Variants in UST observed in about 807,000 individuals in gnomAD.
UST encodes the protein uronyl 2-sulfotransferase, also known as chondroitin sulfate 2-O-sulfotransferase.
Under a neutral mutation model 45.6 loss-of-function variants are expected in UST, and 21 were observed. The ratio of observed to expected loss-of-function variants is 0.46; its 90% CI spans 0.33 to 0.66. The LOEUF is 0.66. UST is among the 30% of genes least tolerant of loss of function. The pLI is 0.02. For synonymous variants in UST, 215 were observed against 200.6 expected (o/e 1.07, Z -0.61); for missense variants, 463 against 512.4 (o/e 0.90, Z 0.93).
intron 2 of UST, among the ~76,000 whole-genome samples, chr6:148,910,147 T>A (rs1027075253): frequency 1.4e-5 from 2 of 148,044 alleles, no homozygotes; most frequent in Non-Finnish European, 3.0e-5. Flanking sequence ...TTTTTTTTTT[T>A]TTTTTTTTTT....
chr6:148,824,078 A>G (rs1310634434), intron 1 of UST, among the ~76,000 whole-genome samples: 1 of 152,242 alleles, frequency 6.6e-6, no homozygotes, highest in African/African-American at 2.4e-5. Flanking sequence ...TTGAAGATAT[A>G]GTTAATGTTC....
rs1778744273 is a variant in UST at position 148,878,285 on chromosome 6, ATCATGTATGAGTGGGGGGGG to A, written c.248-8687_248-8668del. 9.3e-5 allele frequency among the ~76,000 whole-genome samples: 3 copies of A among 32,096 alleles called. 1 individual carries two copies. The highest frequency in any genetic ancestry group is 4.0e-4 in the African/African-American group (3 of 7,438). 21.1% of individuals were successfully genotyped at this position (32,096 alleles called of 152,430 possible). A position where few individuals can be genotyped will look rare whatever the true frequency, so the allele number is the denominator to read the frequency against. ...CGGAGATCGTGTATGAGTACGGGGG[ATCATGTATGAGTGGGGGGGG>A]TCATGTATGAGTGCGGGGATCGTGT... On this transcript the variant is annotated intron_variant, in intron 1 of 7. Transcript: ENST00000367463.
chr6:148,863,985 C>T (rs1391816216), intron 1 of UST, among the ~76,000 whole-genome samples: 1 of 152,214 alleles, frequency 6.6e-6, no homozygotes, highest in Non-Finnish European at 1.5e-5. Flanking sequence ...TGTCTGTTCT[C>T]AGATCTCAAA....
chr6:149,026,382 T>G (rs1260761834), intron 7 of UST, among the ~76,000 whole-genome samples: 1 of 152,146 alleles, frequency 6.6e-6, no homozygotes, highest in Non-Finnish European at 1.5e-5. Flanking sequence ...GAATGATCCA[T>G]AGTCATCCAC....
At chr6:148,807,893 A>T (rs768054959) in intron 1 of UST, among the ~76,000 whole-genome samples, 1 of 152,194 alleles carries the variant, frequency 6.6e-6, no homozygotes, top group African/African-American at 2.4e-5. Flanking sequence ...AAGCCCCCTG[A>T]ACTCACTTTC....
chr6:148,814,850 C>T (rs1410462289), intron 1 of UST, among the ~76,000 whole-genome samples: 3 of 152,120 alleles, frequency 2.0e-5, no homozygotes, highest in African/African-American at 7.2e-5. Context: ...TCAGGGTCAG[C>T]CCCTGTTGTT....
Position 149,057,331 on chromosome 6 carries a change from G to A in UST, c.938-16502G>A, listed in dbSNP as rs930285146. 8.6e-5 allele frequency among the ~76,000 whole-genome samples: 13 copies of A among 151,174 alleles called. 1 individual carries two copies. The highest frequency in any genetic ancestry group is 3.2e-3 in the Middle Eastern group (1 of 316). ...CTCCTTTACATTCTCAGAGTCAGGA[G>A]ATGCAGGATTTTCAAAAGGCCCTGT... On this transcript the variant is annotated intron_variant, in intron 7 of 7. Coordinates refer to ENST00000367463, the MANE Select transcript of UST (RefSeq NM_005715.3).
intron 2 of UST, among the ~76,000 whole-genome samples, chr6:148,932,591 A>C (rs1355093417): frequency 6.6e-6 from 1 of 152,200 alleles, no homozygotes; most frequent in Non-Finnish European, 1.5e-5. Context: ...GATAGCATTC[A>C]CCAGTGTCAC....
rs890114298 is a variant in UST at position 148,817,976 on chromosome 6, A to T, written c.248-69010A>T. Among the ~76,000 whole-genome samples, 4 of 152,174 alleles carry T rather than the reference A, an allele frequency of 2.6e-5. No homozygotes were observed. In the East Asian group the frequency reaches 7.7e-4, roughly 29 times the overall value. ...ACAGAGTTGAGTGATTGCAAAAGAG[A>T]CCGCAAAACCTAAAATATTTACTAT... On this transcript the variant is annotated intron_variant, in intron 1 of 7. Transcript: ENST00000367463.
intron 5 of UST, among the ~76,000 whole-genome samples, chr6:149,010,913 A>AAAAAAAAACAC (rs755674810): frequency 1.1e-5 from 1 of 92,968 alleles, no homozygotes; most frequent in Non-Finnish European, 2.0e-5. Flanking sequence ...AAAAAAAAAA[A>AAAAAAAAACAC]AAAAAACTGT....
rs1480047821 is a variant in UST at position 148,790,177 on chromosome 6, TC to T, written c.247+42502del. 6.6e-6 allele frequency among the ~76,000 whole-genome samples: 1 copy of T among 152,126 alleles called. No homozygotes were observed. Among genetic ancestry groups the T allele is most frequent in the Admixed American group, 6.5e-5 (1 of 15,274 alleles). On this transcript the variant is annotated intron_variant, in intron 1 of 7. Coordinates refer to ENST00000367463, the MANE Select transcript of UST (RefSeq NM_005715.3). The surrounding 1 kb of genome is among the most constrained non-coding windows in gnomAD (Gnocchi z 4.2). ...CTGACAGTGTTCATGTAGCGTCTCC[TC>T]CTAAGGCGGCAGCCTCGCTGGGTGG...
intron 5 of UST, among the ~76,000 whole-genome samples, chr6:148,988,573 CAAAAAAA>C (rs760248567): frequency 1.2e-5 from 1 of 86,918 alleles, no homozygotes; most frequent in Admixed American, 1.5e-4. Flanking sequence ...GACCCTGTCT[CAAAAAAA>C]AAAAAAAAAA....
rs115115546 is a variant in UST, at chr6:149,039,865, A to C, written c.937+18384A>C. ...AACTCTACAGGGGCTTCTTGAAGAC[A>C]GGGGCCATGACCCGTCACTTCCATC... On this transcript the variant is annotated intron_variant, in intron 7 of 7. Coordinates refer to ENST00000367463, the MANE Select transcript of UST (RefSeq NM_005715.3). 8.2e-3 allele frequency among the ~76,000 whole-genome samples: 1,243 copies of C among 152,320 alleles called. 18 individuals are homozygous for C. The highest frequency in any genetic ancestry group is 0.028 in the African/African-American group (1,184 of 41,570).
At chr6:149,044,536 T>G (rs1338714619) in intron 7 of UST, among the ~76,000 whole-genome samples, 1 of 152,168 alleles carries the variant, frequency 6.6e-6, no homozygotes, top group Non-Finnish European at 1.5e-5. Flanking sequence ...TACATTTTGC[T>G]TTTGAGGGGG....
At chr6:148,788,202 A>G (rs1776770402) in intron 1 of UST, among the ~76,000 whole-genome samples, 2 of 152,200 alleles carry the variant, frequency 1.3e-5, no homozygotes, top group African/African-American at 2.4e-5. Flanking sequence ...TACCACGAGA[A>G]CAGTATGAGA....
intron 1 of UST, among the ~76,000 whole-genome samples, chr6:148,770,800 G>C (rs915278078): frequency 6.6e-6 from 1 of 152,184 alleles, no homozygotes; most frequent in African/African-American, 2.4e-5. Context: ...TTGCTCAGCT[G>C]GTGCAGCGGG....
At chr6:148,866,225 C>T (rs919783054) in intron 1 of UST, among the ~76,000 whole-genome samples, 1 of 145,490 alleles carries the variant, frequency 6.9e-6, no homozygotes, top group Non-Finnish European at 1.5e-5. Flanking sequence ...TTTAGAAAAC[C>T]TACGATGAGC....
chr6:148,878,052 T>TTCGTGTATGAGTGCGGGTA (rs1314307780), intron 1 of UST, among the ~76,000 whole-genome samples: 23 of 52,742 alleles, frequency 4.4e-4, no homozygotes, highest in African/African-American at 1.8e-3. Context: ...GAGTGGGGGG[T>TTCGTGTATGAGTGCGGGTA]TCGTGTATGA....
intron 4 of UST, chr6:148,958,945 T>C (rs1780585931): frequency 6.6e-6 from 1 of 152,280 alleles, no homozygotes; most frequent in African/African-American, 2.4e-5. Context: ...TTTTTTCACA[T>C]CATTCTTCCT....
Sources: allele counts gnomAD v4.1 joint callset (sites outside exome capture counted in the v4.1 genomes callset), GRCh38; gene constraint gnomAD v4.1.1; non-coding constraint Gnocchi (gnomAD v3.1); transcripts MANE v1.5; gene names NCBI Gene and HGNC (gene_info 2026-07-23, HGNC 2026-07-21).